The following B4GALT6 variants were observed in gnomAD, a reference collection of about 807,000 sequenced individuals.
B4GALT6 encodes the protein beta-1,4-galactosyltransferase 6.
Under a neutral mutation model 46.3 loss-of-function variants are expected in B4GALT6, and 14 were observed. That is an observed-to-expected ratio of 0.30 (90% CI 0.20 to 0.47). The LOEUF (loss-of-function observed/expected upper bound fraction) is 0.47. Among genes scored for constraint, B4GALT6 ranks in the 20% least tolerant of loss-of-function variants. The probability of loss-of-function intolerance (pLI) is 0.99; values close to 1 mark genes in which losing one functional copy is unlikely to be tolerated. For synonymous variants in B4GALT6, 168 were observed against 162.0 expected, an observed-to-expected ratio of 1.04 and a Z score of -0.28; for missense variants, 386 against 480.1, an observed-to-expected ratio of 0.80 and a Z score of 1.83.
At chr18:31,695,110 A>G in the B4GALT6 span, among the ~76,000 whole-genome samples, 20 of 152,214 alleles carry the variant, frequency 1.3e-4, no homozygotes, top group African/African-American at 3.6e-4. Flanking sequence ...ATAAAGCAGG[A>G]CTGACTTTTT....
At chr18:31,723,703 A>C in the B4GALT6 span, among the ~76,000 whole-genome samples, 1 of 152,154 alleles carries the variant, frequency 6.6e-6, no homozygotes, top group Non-Finnish European at 1.5e-5. Context: ...GCAACAAAGG[A>C]TATCAAAGGT....
Position 31,623,572 on chromosome 18 carries a change from T to G in B4GALT6, c.*2042A>C, listed in dbSNP as rs12964617. 13,608 of 152,384 alleles carry G rather than the reference T, an allele frequency of 0.089. 661 individuals carry two copies. The highest frequency in any genetic ancestry group is 0.15 in the Middle Eastern group (44 of 292). 9.4% of individuals were successfully genotyped at this position (152,384 alleles called of 1,614,324 possible). ...CATTCTCAATCTCTTTCATTGACTT[T>G]AAAAACTATGTAATAGAAACAGAAA... is the stretch of plus-strand genomic sequence containing the variant. On this transcript the variant is annotated 3_prime_UTR_variant, in exon 9 of 9. Coordinates refer to ENST00000306851, the MANE Select transcript of B4GALT6 (RefSeq NM_004775.5).
chr18:31,678,356 G>A (rs1352613703), intron 1 of B4GALT6, among the ~76,000 whole-genome samples: 1 of 151,824 alleles, frequency 6.6e-6, no homozygotes, highest in Admixed American at 6.6e-5. Context: ...TTTTCAATAA[G>A]CCTCAACTCT....
chr18:31,655,556 C>T (rs1048289505), intron 3 of B4GALT6, among the ~76,000 whole-genome samples: 1 of 152,042 alleles, frequency 6.6e-6, no homozygotes, highest in African/African-American at 2.4e-5. Context: ...GGCTGTGGGG[C>T]GGGAGGAGAG....
chr18:31,684,698 G>C (rs1186892588), upstream of B4GALT6: 1 of 1,149,476 alleles, frequency 8.7e-7, no homozygotes, highest in Non-Finnish European at 1.1e-6. Flanking sequence ...TAGGGGCCCG[G>C]GGACGGCAGG....
intron 2 of B4GALT6, among the ~76,000 whole-genome samples, 179 bp downstream of exon 2, chr18:31,666,077 T>C (rs1304359850): frequency 6.6e-6 from 1 of 152,258 alleles, no homozygotes; most frequent in Non-Finnish European, 1.5e-5. Context: ...TGACCACACG[T>C]TCATACATCC....
the B4GALT6 span, among the ~76,000 whole-genome samples, chr18:31,699,313 C>T: frequency 6.8e-6 from 1 of 147,896 alleles, no homozygotes; most frequent in Non-Finnish European, 1.5e-5. Context: ...TGTCCTGTTG[C>T]CCAGGCTGGA....
At chr18:31,700,657 C>T in the B4GALT6 span, among the ~76,000 whole-genome samples, 8 of 151,942 alleles carry the variant, frequency 5.3e-5, no homozygotes, top group Non-Finnish European at 1.2e-4. Flanking sequence ...GGGGTTTCAC[C>T]GTGTTAGCCA....
Position 31,622,330 on chromosome 18 carries a change from A to T in B4GALT6, c.*3284T>A, listed in dbSNP as rs916201108. 4 of 152,104 alleles carry T rather than the reference A, an allele frequency of 2.6e-5. No homozygotes were observed. Among genetic ancestry groups the T allele is most frequent in the Non-Finnish European group, 5.9e-5 (4 of 67,934 alleles). The allele number at this position is 152,104 out of a possible 1,614,324, so 9.4% of individuals were successfully genotyped here. ...GAAGCAAAAAAAGAAGTGGGATACAAGAAATTACTAGCATTTATTTCAGTG... is the reference window on the plus strand; with the variant it reads ...GAAGCAAAAAAAGAAGTGGGATACATGAAATTACTAGCATTTATTTCAGTG... On this transcript the variant is annotated 3_prime_UTR_variant, in exon 9 of 9. Transcript: ENST00000306851.
intron 4 of B4GALT6, 113 bp downstream of exon 4, chr18:31,645,242 G>A (rs1437671061): frequency 8.4e-6 from 12 of 1,434,322 alleles, no homozygotes; most frequent in Middle Eastern, 1.8e-4. Flanking sequence ...AACTTTTGAT[G>A]TTTTAAATTT....
intron 6 of B4GALT6, among the ~76,000 whole-genome samples, chr18:31,628,783 C>T (rs530628462): frequency 2.0e-5 from 3 of 152,314 alleles, no homozygotes; most frequent in South Asian, 2.1e-4. Flanking sequence ...TCTCTACAAA[C>T]GTCCAAGATG....
At chr18:31,706,509 T>C in the B4GALT6 span, among the ~76,000 whole-genome samples, 3 of 152,060 alleles carry the variant, frequency 2.0e-5, no homozygotes, top group Non-Finnish European at 4.4e-5. Context: ...TGGGCACCTG[T>C]AATCCCAGCT....
At chr18:31,699,274 C>CT in the B4GALT6 span, among the ~76,000 whole-genome samples, 13,163 of 136,220 alleles carry the variant, frequency 0.097, 826 homozygotes, top group Non-Finnish European at 0.14. Flanking sequence ...TTCTTTCTTT[C>CT]TTTTTTTTTT....
intron 1 of B4GALT6, among the ~76,000 whole-genome samples, chr18:31,676,875 A>T (rs1261356556): frequency 5.9e-5 from 9 of 152,218 alleles, no homozygotes; most frequent in Non-Finnish European, 8.8e-5. Context: ...ATATCACCTT[A>T]AATAAACCTT....
intron 3 of B4GALT6, among the ~76,000 whole-genome samples, chr18:31,655,720 T>C (rs1455117580): frequency 6.6e-6 from 1 of 152,144 alleles, no homozygotes; most frequent in Admixed American, 6.5e-5. Context: ...GAAGATGAAA[T>C]TATTGTAATC....
chr18:31,696,319 C>T, the B4GALT6 span, among the ~76,000 whole-genome samples: 1 of 151,162 alleles, frequency 6.6e-6, no homozygotes, highest in Non-Finnish European at 1.5e-5. Flanking sequence ...AAGAAGAAAA[C>T]AAATGCAATA....
chr18:31,711,369 G>A, the B4GALT6 span, among the ~76,000 whole-genome samples: 6 of 152,124 alleles, frequency 3.9e-5, no homozygotes, highest in East Asian at 3.9e-4. Context: ...TACTAACTTC[G>A]TACCCAATAG....
At chr18:31,709,888 T>C in the B4GALT6 span, among the ~76,000 whole-genome samples, 3 of 148,722 alleles carry the variant, frequency 2.0e-5, no homozygotes, top group African/African-American at 7.4e-5. Context: ...AGGTCAGGAG[T>C]TCAAGACCAG....
chr18:31,688,261 A>ATATATATATATATACG (rs199674404), upstream of B4GALT6, among the ~76,000 whole-genome samples: 283 of 146,850 alleles, frequency 1.9e-3, 2 homozygotes, highest in African/African-American at 5.0e-3. Context: ...ATATATATAC[A>ATATATATATATATACG]TATATATATA....
Sources: gnomAD v4.1 joint callset for allele counts (sites outside exome capture counted in the v4.1 genomes callset) on GRCh38, gnomAD v4.1.1 for gene constraint, MANE v1.5 for transcripts, NCBI Gene and HGNC (gene_info 2026-07-23, HGNC 2026-07-21) for gene names.